Variants in ESPNL observed in about 807,000 individuals in gnomAD.
ESPNL encodes the protein espin like, also known as espin-like protein.
Under a neutral mutation model 46.8 loss-of-function variants are expected in ESPNL, and 49 were observed. The ratio of observed to expected loss-of-function variants is 1.05; its 90% CI spans 0.83 to 1.33. ESPNL has a LOEUF of 1.33. ESPNL is among the 40% of genes most tolerant of loss of function. ESPNL has a pLI of 0.00. For synonymous variants in ESPNL, 664 were observed against 662.1 expected, an observed-to-expected ratio of 1.00 and a Z score of -0.04; for missense variants, 1,540 against 1,436.6, an observed-to-expected ratio of 1.07 and a Z score of -1.16.
In ESPNL at chr2:238,100,343, G is replaced by C. The variant is rs1161816473; in HGVS notation, c.-77G>C. ...TGTGGCAGCTTATCGGGTAACCAGA[G>C]CCGGCAGCTTCATCCACGTCTGAAA... On this transcript the variant is annotated 5_prime_UTR_variant, in exon 1 of 9. Coordinates refer to ENST00000343063, the MANE Select transcript of ESPNL (RefSeq NM_194312.4). 8.6e-7 allele frequency: 1 copy of C among 1,164,138 alleles called. No individual in the cohort carries two copies. The highest frequency in any genetic ancestry group is 1.7e-5 in the African/African-American group (1 of 58,288). 72.1% of individuals were successfully genotyped at this position (1,164,138 alleles called of 1,614,324 possible).
intron 8 of ESPNL, chr2:238,129,145 T>C: frequency 7.2e-7 from 1 of 1,398,600 alleles, no homozygotes. Context: ...CTTGGCGGAT[T>C]TGTGGCACAT....
At chr2:238,124,412 C>T (rs1362290282) in intron 5 of ESPNL, among the ~76,000 whole-genome samples, 1 of 152,222 alleles carries the variant, frequency 6.6e-6, no homozygotes, top group Admixed American at 6.5e-5. Flanking sequence ...AGTCCACTGC[C>T]CTTCCCTCTC....
rs560810700 is a variant in ESPNL, at chr2:238,114,018, A to G, written c.856-2885A>G. On this transcript the variant is annotated intron_variant, in intron 4 of 8. Coordinates refer to ENST00000343063, the MANE Select transcript of ESPNL (RefSeq NM_194312.4). The surrounding 1 kb of genome is among the most constrained non-coding windows in gnomAD (Gnocchi z 5.0). ...CTGAGGCTGTCAGCAGGTGACTTTTACAGTGAATCCGTGTTTCACGTCCTT... is the reference window on the plus strand; with the variant it reads ...CTGAGGCTGTCAGCAGGTGACTTTTGCAGTGAATCCGTGTTTCACGTCCTT... 3.9e-5 allele frequency among the ~76,000 whole-genome samples: 6 copies of G among 152,218 alleles called. No individual in the cohort carries two copies. The highest frequency in any genetic ancestry group is 1.4e-4 in the African/African-American group (6 of 41,518).
chr2:238,129,173 G>C lies in ESPNL; in HGVS notation c.1413+269G>C, dbSNP rs1271014525. 3 of 1,384,884 alleles carry C rather than the reference G, an allele frequency of 2.2e-6. No homozygotes were observed. The East Asian group carries it at 8.1e-5, about 37-fold the overall frequency. 85.8% of individuals were successfully genotyped at this position (1,384,884 alleles called of 1,614,324 possible). A position where few individuals can be genotyped will look rare whatever the true frequency, so the allele number is the denominator to read the frequency against. On this transcript the variant is annotated intron_variant, in intron 8 of 8. Transcript: ENST00000343063. ...TGGCACATGCCTGCCTGTGCCAAGCGTTGTTCTAGGCCTTCCTGGGCGCAG... is the reference window on the plus strand; with the variant it reads ...TGGCACATGCCTGCCTGTGCCAAGCCTTGTTCTAGGCCTTCCTGGGCGCAG...
chr2:238,127,188 T>C (rs182689731), intron 6 of ESPNL, among the ~76,000 whole-genome samples: 331 of 152,302 alleles, frequency 2.2e-3, no homozygotes, highest in African/African-American at 7.7e-3. Flanking sequence ...CTGTGTGTGA[T>C]TGTGTCTGTG....
At chr2:238,113,144 T>G (rs1324863764) in intron 4 of ESPNL, among the ~76,000 whole-genome samples, 2 of 152,236 alleles carry the variant, frequency 1.3e-5, no homozygotes, top group Non-Finnish European at 2.9e-5. Context: ...CCATATCTAG[T>G]CTGTTTTATC....
rs747419358 is a variant in ESPNL at position 238,130,347 on chromosome 2, C to T, written c.1633C>T (p.Leu545=). ...GCTGCAGGCCCTGCTGCCCGAGCCC[C>T]TGGTCAGCATCACGGTCAACAGCCA... is the stretch of plus-strand genomic sequence containing the variant. ...AELQALLPEP[L]VSITVNSHFL... The change falls in exon 9 of 9, where the codon CTG becomes TTG. Residue 545 remains leucine (L), a synonymous_variant. Transcript: ENST00000343063. 1.2e-5 allele frequency: 19 copies of T among 1,609,588 alleles called. No homozygotes were observed. Among genetic ancestry groups the T allele is most frequent in the Admixed American group, 5.0e-5 (3 of 59,662 alleles).
At chr2:238,126,599 C>A (rs917766751) in intron 6 of ESPNL, among the ~76,000 whole-genome samples, 1 of 141,280 alleles carries the variant, frequency 7.1e-6, no homozygotes, top group Non-Finnish European at 1.5e-5. Flanking sequence ...CTGTGTGTAT[C>A]TGTGTGTGAT....
intron 3 of ESPNL, among the ~76,000 whole-genome samples, chr2:238,105,686 C>T (rs1197378999): frequency 6.6e-6 from 1 of 151,776 alleles, no homozygotes; most frequent in Non-Finnish European, 1.5e-5. Context: ...GGCCCGGGGG[C>T]GGGCAGGAAA....
Position 238,104,675 on chromosome 2 carries a change from C to T in ESPNL, c.505C>T (p.Arg169Cys), listed in dbSNP as rs763797257. The change falls in exon 3 of 9, where the codon CGC becomes TGC. Residue 169 changes from arginine to cysteine, a missense_variant. By Grantham distance (180) the Arg-to-Cys change is radical (BLOSUM62 -3). Coordinates refer to ENST00000343063, the MANE Select transcript of ESPNL (RefSeq NM_194312.4). ...CTGCAGCAGCGTGAACCGGCGGACA[C>T]GCAGTGGCGCCTCCCCACTCTACCT... ...AHGSSVNRRT[R>C]SGASPLYLAC... The T allele has an allele frequency of 1.2e-5, 19 of 1,598,138 alleles. No homozygotes were observed. Among genetic ancestry groups the T allele is most frequent in the South Asian group, 4.5e-5 (4 of 89,518 alleles).
intron 2 of ESPNL, 94 bp from the exon 3 acceptor site, chr2:238,104,562 G>C: frequency 7.6e-7 from 1 of 1,324,448 alleles, no homozygotes; most frequent in Non-Finnish European, 1.0e-6. Context: ...GTCATCACGG[G>C]CAGGGCCAGG....
Position 238,119,469 on chromosome 2 carries a change from A to AGGGGAG in ESPNL, c.987+2435_987+2436insGGGGAG, listed in dbSNP as rs1691932124. Among the ~76,000 whole-genome samples, 4 of 66,254 alleles carry AGGGGAG rather than the reference A, an allele frequency of 6.0e-5. 1 individual carries two copies. The highest frequency in any genetic ancestry group is 2.8e-4 in the African/African-American group (4 of 14,478). 43.5% of individuals were successfully genotyped at this position (66,254 alleles called of 152,430 possible). ...AGGAGAGGAGGTTAGATGAAGGAGGAATGGATGGAGGAGGTGGATGGAGGA... is the reference window on the plus strand; with the variant it reads ...AGGAGAGGAGGTTAGATGAAGGAGGAGGGGAGATGGATGGAGGAGGTGGATGGAGGA... On this transcript the variant is annotated intron_variant, in intron 5 of 8. Transcript: ENST00000343063.
intron 1 of ESPNL, 99 bp downstream of exon 1, chr2:238,100,812 C>A: frequency 9.2e-7 from 1 of 1,092,102 alleles, no homozygotes; most frequent in Non-Finnish European, 1.2e-6. Context: ...ACCCCGGGCT[C>A]CATGGCCCTG....
Position 238,125,298 on chromosome 2 carries a change from C to T in ESPNL, c.1016C>T (p.Pro339Leu). 6.4e-7 allele frequency: 1 copy of T among 1,553,730 alleles called. No homozygotes were observed. The highest frequency in any genetic ancestry group is 8.7e-7 in the Non-Finnish European group (1 of 1,149,894). Residue 339 changes from proline (P) to leucine (L), a missense_variant, in exon 6 of 9, where the codon CCA (proline) becomes CTA (leucine). Transcript: ENST00000343063. ...CCCCTGCTGATGACGCCCCCACCAC[C>T]ACCGTTCCCCCCACCTCCACTGTTG... ...PVPLLMTPPP[P>L]PFPPPPLLAT...
At chr2:238,127,007 CTGTG>C (rs1392907424) in intron 6 of ESPNL, among the ~76,000 whole-genome samples, 3 of 146,328 alleles carry the variant, frequency 2.1e-5, no homozygotes, top group Admixed American at 1.4e-4. Context: ...GATTGTGTAT[CTGTG>C]TGTGATTGTG....
intron 5 of ESPNL, among the ~76,000 whole-genome samples, chr2:238,117,844 A>C (rs2106470864): frequency 6.6e-6 from 1 of 152,200 alleles, no homozygotes; most frequent in East Asian, 1.9e-4. Flanking sequence ...AGGCCAAAGG[A>C]GTGAAAAATG....
intron 6 of ESPNL, among the ~76,000 whole-genome samples, chr2:238,127,029 GTC>G (rs1451596273): frequency 3.4e-5 from 5 of 148,192 alleles, no homozygotes; most frequent in Non-Finnish European, 6.0e-5. Context: ...GTGTTTGTGT[GTC>G]TGTTCTGTGT....
At chr2:238,101,070 T>C (rs1487791320) in intron 1 of ESPNL, among the ~76,000 whole-genome samples, 7 of 152,176 alleles carry the variant, frequency 4.6e-5, no homozygotes, top group African/African-American at 1.4e-4. Flanking sequence ...CTGTGGGAAC[T>C]TGGGCTTGAG....
In ESPNL at chr2:238,131,390, C is replaced by T. The variant is rs557336771; in HGVS notation, c.2676C>T (p.His892=). ...CFEVFEHLGT[H]GWEAVRAFHK... is the part of the protein sequence containing the mutation. ...AGGTCTTCGAGCACCTGGGCACCCA[C>T]GGCTGGGAGGCTGTGCGCGCCTTCC... Residue 892 remains histidine, a synonymous_variant, in exon 9 of 9, where the codon CAC becomes CAT. Transcript: ENST00000343063. 1.9e-5 allele frequency: 31 copies of T among 1,605,694 alleles called. No individual in the cohort carries two copies. Among genetic ancestry groups the T allele is most frequent in the East Asian group, 6.7e-5 (3 of 44,576 alleles).
Sources: gnomAD v4.1 joint callset for allele counts (sites outside exome capture counted in the v4.1 genomes callset) on GRCh38, gnomAD v4.1.1 for gene constraint, Gnocchi (gnomAD v3.1) non-coding constraint, MANE v1.5 for transcripts, NCBI Gene and HGNC (gene_info 2026-07-23, HGNC 2026-07-21) for gene names.